The following IREB2 variants were observed in gnomAD, a reference collection of about 807,000 sequenced individuals.
IREB2 encodes the protein iron responsive element binding protein 2.
Under a neutral mutation model 118.8 loss-of-function variants are expected in IREB2, and 39 were observed. The ratio of observed to expected loss-of-function variants is 0.33; its 90% CI spans 0.25 to 0.43. The LOEUF is 0.43. Among genes scored for constraint, IREB2 ranks in the 20% least tolerant of loss-of-function variants. The probability of loss-of-function intolerance (pLI) is 1.00; values close to 1 mark genes in which losing one functional copy is unlikely to be tolerated. For missense variants in IREB2, 900 were observed against 1,147.3 expected (o/e 0.78, Z 3.11); for synonymous variants, 372 against 392.2 (o/e 0.95, Z 0.61).
At chr15:78,490,860 C>T (rs1054081893) in intron 18 of IREB2, 99 bp downstream of exon 18, 8 of 1,136,360 alleles carry the variant, frequency 7.0e-6, no homozygotes, top group African/African-American at 4.7e-5. Context: ...TAAATACATG[C>T]TATCGTAGGT....
chr15:78,444,072 AT>A (rs1424092348), intron 2 of IREB2, among the ~76,000 whole-genome samples: 1 of 151,950 alleles, frequency 6.6e-6, no homozygotes, highest in African/African-American at 2.4e-5. Context: ...AAAAAAAAAA[AT>A]TATAAAGATG....
intron 18 of IREB2, among the ~76,000 whole-genome samples, chr15:78,493,301 C>T (rs939726197): frequency 6.6e-6 from 1 of 152,182 alleles, no homozygotes; most frequent in African/African-American, 2.4e-5. Flanking sequence ...ATACCCAAAT[C>T]CACACATACT....
At chr15:78,490,330 T>C in intron 16 of IREB2, 92 bp from the exon 17 acceptor site, 1 of 715,476 alleles carries the variant, frequency 1.4e-6, no homozygotes, top group Non-Finnish European at 2.4e-6. Context: ...GTGACCTAAG[T>C]ACTATTTTAT....
rs755515076 is a variant in IREB2 at position 78,439,830 on chromosome 15, G to A, written c.55G>A (p.Asp19Asn). 2.0e-5 allele frequency: 32 copies of A among 1,597,650 alleles called. No homozygotes were observed. The highest frequency in any genetic ancestry group is 2.6e-5 in the Non-Finnish European group (30 of 1,172,462). Reference sequence around the variant, plus strand: ...TGAGTACCTTATTGAAACATTAAATGACAGTTCACATAAGAAGTTCTTCGA... The same window carrying A: ...TGAGTACCTTATTGAAACATTAAATAACAGTTCACATAAGAAGTTCTTCGA... ...AFEYLIETLNDSSHKKFFDVS... is the reference protein window; with the variant it reads ...AFEYLIETLNNSSHKKFFDVS... The change falls in exon 2 of 22, where the codon GAC (aspartate) becomes AAC (asparagine). Residue 19 changes from aspartate to asparagine, a missense_variant. Physicochemically the swap from Asp to Asn is conservative, Grantham distance 23. Coordinates refer to ENST00000258886, the MANE Select transcript of IREB2 (RefSeq NM_004136.4).
intron 2 of IREB2, among the ~76,000 whole-genome samples, chr15:78,448,014 A>T (rs965620842): frequency 4.6e-5 from 7 of 152,250 alleles, no homozygotes; most frequent in Non-Finnish European, 1.0e-4. Flanking sequence ...GGAACTTTTT[A>T]GAAAGAGGGC....
At chr15:78,457,968 T>A (rs1454128831) in intron 2 of IREB2, among the ~76,000 whole-genome samples, 1 of 152,178 alleles carries the variant, frequency 6.6e-6, no homozygotes, top group Admixed American at 6.5e-5. Flanking sequence ...GGATGGAAAC[T>A]AATATTGGTT....
At chr15:78,490,830 G>T in intron 18 of IREB2, 69 bp downstream of exon 18, 1 of 1,413,170 alleles carries the variant, frequency 7.1e-7, no homozygotes, top group Non-Finnish European at 9.8e-7. Flanking sequence ...GCTTCTATTG[G>T]TCTTGTTCCT....
intron 2 of IREB2, among the ~76,000 whole-genome samples, chr15:78,443,925 C>T (rs1263213740): frequency 2.0e-5 from 3 of 152,056 alleles, no homozygotes; most frequent in Non-Finnish European, 4.4e-5. Context: ...GGATTATAGG[C>T]GTGAACCACT....
At chr15:78,471,543 A>G (rs1267557840) in intron 6 of IREB2, among the ~76,000 whole-genome samples, 198 bp from the exon 7 acceptor site, 2 of 152,076 alleles carry the variant, frequency 1.3e-5, no homozygotes, top group Non-Finnish European at 2.9e-5. Context: ...TTTTTATTTG[A>G]CCTAAATTAA....
intron 2 of IREB2, among the ~76,000 whole-genome samples, chr15:78,460,206 T>C (rs1312081160): frequency 6.6e-6 from 1 of 152,234 alleles, no homozygotes. Context: ...ATTATTTCAT[T>C]AGGTGTTGCA....
intron 5 of IREB2, among the ~76,000 whole-genome samples, chr15:78,469,647 C>T (rs1189796646): frequency 1.3e-5 from 2 of 151,934 alleles, no homozygotes; most frequent in Admixed American, 6.6e-5. Flanking sequence ...CGCTTGAACC[C>T]GGTAGGGCGG....
Position 78,462,900 on chromosome 15 carries a change from T to G in IREB2, c.107-22T>G, listed in dbSNP as rs116390025. On this transcript the variant is annotated intron_variant, in intron 2 of 21. Transcript: ENST00000258886. ...ATAGGTATGACTGTTTGCTTATTAATAGTAATATTTTCTTGAATCAGATGT... is the reference window on the plus strand; with the variant it reads ...ATAGGTATGACTGTTTGCTTATTAAGAGTAATATTTTCTTGAATCAGATGT... The G allele has an allele frequency of 1.7e-3, 2,638 of 1,550,608 alleles. 48 individuals are homozygous for G. The African/African-American group carries it at 0.032, about 19-fold the overall frequency.
chr15:78,490,250 A>T (rs75430714), intron 16 of IREB2, among the ~76,000 whole-genome samples, 172 bp from the exon 17 acceptor site: 6,571 of 152,206 alleles, frequency 0.043, 156 homozygotes, highest in East Asian at 0.092. Flanking sequence ...AAAATTTTTT[A>T]AAAAAAAGAA....
rs1338464248 is a variant in IREB2, at chr15:78,499,167, C to T, written c.*1024C>T. The T allele has an allele frequency of 1.3e-5, 2 of 152,086 alleles. No individual in the cohort carries two copies. Among genetic ancestry groups the T allele is most frequent in the Non-Finnish European group, 2.9e-5 (2 of 68,022 alleles). 9.4% of individuals were successfully genotyped at this position (152,086 alleles called of 1,614,324 possible). A position where few individuals can be genotyped will look rare whatever the true frequency, so the allele number is the denominator to read the frequency against. ...CCTGTCATTTTGAATCATTTATCAC[C>T]TGCGATGCATGATTCTATTAATTTT... On this transcript the variant is annotated 3_prime_UTR_variant, in exon 22 of 22. Coordinates refer to ENST00000258886, the MANE Select transcript of IREB2 (RefSeq NM_004136.4).
At chr15:78,472,197 G>A (rs2051391688) in intron 7 of IREB2, among the ~76,000 whole-genome samples, 1 of 152,320 alleles carries the variant, frequency 6.6e-6, no homozygotes, top group South Asian at 2.1e-4. Context: ...CGTCTACAAA[G>A]TTTGCTTCTT....
chr15:78,438,682 G>C, intron 1 of IREB2: 1 of 427,986 alleles, frequency 2.3e-6, no homozygotes, highest in East Asian at 4.3e-5. Context: ...GGGGCAGGGA[G>C]AGGCCCACCG....
chr15:78,444,664 A>G (rs1162918200), intron 2 of IREB2, among the ~76,000 whole-genome samples: 3 of 152,192 alleles, frequency 2.0e-5, no homozygotes, highest in African/African-American at 7.2e-5. Context: ...AACATTGCAG[A>G]TGGTACAGAA....
chr15:78,453,463 C>T (rs2141461216), intron 2 of IREB2, among the ~76,000 whole-genome samples: 1 of 151,868 alleles, frequency 6.6e-6, no homozygotes, highest in Admixed American at 6.5e-5. Context: ...TCAACTGGGG[C>T]TAGGAGCTGT....
intron 1 of IREB2, among the ~76,000 whole-genome samples, chr15:78,439,325 GT>G (rs879350614): frequency 0.013 from 1,967 of 147,088 alleles, 44 homozygotes; most frequent in African/African-American, 0.045. Context: ...CCGTCTTTTA[GT>G]TTTTTTTTTT....
Sources: allele counts gnomAD v4.1 joint callset (sites outside exome capture counted in the v4.1 genomes callset), GRCh38; gene constraint gnomAD v4.1.1; transcripts MANE v1.5; gene names NCBI Gene and HGNC (gene_info 2026-07-23, HGNC 2026-07-21).